The following MEI1 variants were observed in gnomAD, a reference collection of about 807,000 sequenced individuals.
MEI1 encodes the protein meiosis inhibitor protein 1.
In MEI1, 103 loss-of-function variants were observed where a neutral mutation model predicts 146.2. The observed-to-expected ratio is 0.70, with a 90% CI of 0.60 to 0.83. The LOEUF is 0.83. MEI1 is among the 40% of genes least tolerant of loss of function. MEI1 has a pLI of 0.00. For missense variants in MEI1, 1,529 were observed against 1,533.0 expected, an observed-to-expected ratio of 1.00 and a Z score of 0.04; for synonymous variants, 652 against 628.2, an observed-to-expected ratio of 1.04 and a Z score of -0.57.
intron 3 of MEI1, among the ~76,000 whole-genome samples, chr22:41,711,631 C>T (rs1039527597): frequency 6.6e-6 from 1 of 152,188 alleles, no homozygotes; most frequent in African/African-American, 2.4e-5. Flanking sequence ...TTGCTTTCTT[C>T]CTGCTTCTTG....
intron 17 of MEI1, among the ~76,000 whole-genome samples, chr22:41,754,384 C>T (rs1013336593): frequency 1.3e-5 from 2 of 151,474 alleles, no homozygotes; most frequent in African/African-American, 4.9e-5. Context: ...ATAGTGTGTT[C>T]TATTTCTTCA....
At chr22:41,759,042 C>G (rs1209239329) in intron 18 of MEI1, among the ~76,000 whole-genome samples, 1 of 152,158 alleles carries the variant, frequency 6.6e-6, no homozygotes, top group Non-Finnish European at 1.5e-5. Flanking sequence ...ACTCTGGAGG[C>G]TGAGACAGGA....
chr22:41,735,650 T>C (rs540691427), intron 11 of MEI1, among the ~76,000 whole-genome samples: 2 of 152,348 alleles, frequency 1.3e-5, no homozygotes, highest in African/African-American at 4.8e-5. Context: ...TGTTATGTTA[T>C]CATGTCTTTT....
chr22:41,788,893 G>C (rs2148214759), intron 26 of MEI1, among the ~76,000 whole-genome samples: 1 of 152,300 alleles, frequency 6.6e-6, no homozygotes, highest in East Asian at 1.9e-4. Context: ...CTAGAGTACA[G>C]TGGCATGATC....
rs1455107668 is a variant in MEI1 at position 41,752,698 on chromosome 22, C to T, written c.1853+47C>T. ...ATTGAGTGGCCAAGGGGCCAATGTC[C>T]CTCTTGATGGGACAAGTGGGAATTG... On this transcript the variant is annotated intron_variant, in intron 16 of 30. Transcript: ENST00000401548. 9 of 1,500,384 alleles carry T rather than the reference C, an allele frequency of 6.0e-6. No homozygotes were observed. The East Asian group carries it at 1.9e-4, about 32-fold the overall frequency. The allele number at this position is 1,500,384 out of a possible 1,614,324, so 92.9% of individuals were successfully genotyped here.
chr22:41,712,219 AT>A (rs2069637916), intron 3 of MEI1, among the ~76,000 whole-genome samples: 1 of 139,904 alleles, frequency 7.1e-6, no homozygotes, highest in South Asian at 2.3e-4. Context: ...AAAAAAAAGC[AT>A]TGTGTTTTTT....
chr22:41,767,590 T>G (rs1309891816), intron 19 of MEI1: 1 of 456,006 alleles, frequency 2.2e-6, no homozygotes, highest in South Asian at 1.5e-5. Flanking sequence ...TTCATTGCAG[T>G]TTGATCAGCA....
At chr22:41,731,383 C>G (rs1303824334) in intron 9 of MEI1, among the ~76,000 whole-genome samples, 1 of 151,770 alleles carries the variant, frequency 6.6e-6, no homozygotes, top group Non-Finnish European at 1.5e-5. Flanking sequence ...GAGTCCTGCT[C>G]TGTCACCCAG....
Position 41,745,917 on chromosome 22 carries a change from C to T in MEI1, c.1571C>T (p.Ala524Val), listed in dbSNP as rs989797393. Residue 524 changes from alanine to valine, a missense_variant, in exon 14 of 31, where the codon GCC becomes GTC. This residue lies in a region of MEI1 where 1,212 missense variants were observed against 1,178.9 expected (regional missense o/e 1.03). Coordinates refer to ENST00000401548, the MANE Select transcript of MEI1 (RefSeq NM_152513.4). Reference sequence around the variant, plus strand: ...ATAGAATTCCAGAGTGAGCCTTCAGCCCAGGAGAATCCATTCACAGCTCCC... The same window carrying T: ...ATAGAATTCCAGAGTGAGCCTTCAGTCCAGGAGAATCCATTCACAGCTCCC... Reference protein sequence around the residue: ...LAIEFQSEPSAQENPFTAPSA... With the variant: ...LAIEFQSEPSVQENPFTAPSA... 1 of 1,613,326 alleles carries T rather than the reference C, an allele frequency of 6.2e-7. No individual in the cohort carries two copies. The highest frequency in any genetic ancestry group is 8.5e-7 in the Non-Finnish European group (1 of 1,179,414).
intron 2 of MEI1, among the ~76,000 whole-genome samples, chr22:41,704,752 T>A (rs1478392620): frequency 2.0e-5 from 3 of 152,002 alleles, no homozygotes; most frequent in African/African-American, 7.3e-5. Flanking sequence ...TCTTGCTCTG[T>A]CACCCAGACT....
intron 19 of MEI1, chr22:41,767,499 G>A: frequency 2.2e-6 from 1 of 448,448 alleles, no homozygotes. Flanking sequence ...CCAATAGCCA[G>A]AGTGTGGGTG....
rs568317342 is a variant in MEI1 at position 41,715,488 on chromosome 22, C to T, written c.424-553C>T. On this transcript the variant is annotated intron_variant, in intron 4 of 30. Transcript: ENST00000401548. ...TTGGCTCACTGCAAGCTCCGCCTCC[C>T]GGGTTCACGCCATTCTCCTGCCTCA... Among the ~76,000 whole-genome samples, 410 of 151,862 alleles carry T rather than the reference C, an allele frequency of 2.7e-3. 4 individuals are homozygous for T. The highest frequency in any genetic ancestry group is 9.5e-3 in the African/African-American group (394 of 41,372).
chr22:41,709,051 A>G (rs1358228812), intron 3 of MEI1, among the ~76,000 whole-genome samples: 1 of 152,222 alleles, frequency 6.6e-6, no homozygotes, highest in Non-Finnish European at 1.5e-5. Context: ...AGCTGTGAAG[A>G]CATTCTATTA....
intron 9 of MEI1, 124 bp downstream of exon 9, chr22:41,730,761 A>G (rs2071785600): frequency 1.6e-6 from 1 of 642,906 alleles, no homozygotes; most frequent in Non-Finnish European, 2.9e-6. Flanking sequence ...TAGACATTTC[A>G]TCAGCCCAAA....
chr22:41,715,983 T>C, intron 4 of MEI1, 58 bp from the exon 5 acceptor site: 19 of 1,253,004 alleles, frequency 1.5e-5, no homozygotes, highest in Non-Finnish European at 2.2e-5. Flanking sequence ...AGATCAGTTT[T>C]GGTGGAAGAT....
intron 4 of MEI1, 36 bp downstream of exon 4, chr22:41,714,111 A>G: frequency 1.3e-6 from 2 of 1,553,126 alleles, no homozygotes; most frequent in Admixed American, 1.9e-5. Context: ...AGTCTCTCAG[A>G]ATCCTCAGAT....
intron 30 of MEI1, among the ~76,000 whole-genome samples, chr22:41,796,881 A>C (rs1454998829): frequency 1.3e-5 from 2 of 152,146 alleles, no homozygotes; most frequent in African/African-American, 4.8e-5. Context: ...GGGGATGCGG[A>C]GGGCAGTGAG....
intron 25 of MEI1, 51 bp from the exon 26 acceptor site, chr22:41,784,557 G>T: frequency 6.2e-7 from 1 of 1,601,790 alleles, no homozygotes; most frequent in Non-Finnish European, 8.5e-7. Context: ...AGAGCTGGGT[G>T]GGAGGTGGGA....
intron 26 of MEI1, among the ~76,000 whole-genome samples, chr22:41,786,686 C>A (rs1425333697): frequency 6.6e-6 from 1 of 152,196 alleles, no homozygotes; most frequent in Non-Finnish European, 1.5e-5. Context: ...TGGCTTGGGT[C>A]AGTGCCCTCT....
Sources: allele counts gnomAD v4.1 joint callset (sites outside exome capture counted in the v4.1 genomes callset), GRCh38; gene constraint gnomAD v4.1.1; regional missense constraint gnomAD v4.1.1; transcripts MANE v1.5; gene names NCBI Gene and HGNC (gene_info 2026-07-23, HGNC 2026-07-21).